The following CEMIP2 variants were observed in gnomAD, a reference collection of about 807,000 sequenced individuals.
CEMIP2 encodes cell migration inducing hyaluronidase 2, also known as cell surface hyaluronidase CEMIP2.
CEMIP2 carries 79 observed loss-of-function variants against 146.9 expected under a neutral mutation model. That is an observed-to-expected ratio of 0.54 (90% CI 0.45 to 0.65). CEMIP2 has a LOEUF of 0.65. Among genes scored for constraint, CEMIP2 ranks in the 30% least tolerant of loss-of-function variants. CEMIP2 has a pLI of 0.00. For missense variants in CEMIP2, 1,596 were observed against 1,696.2 expected (o/e 0.94, Z 1.04); for synonymous variants, 601 against 606.3 (o/e 0.99, Z 0.13).
At chr9:71,707,554 G>A (rs73477424) in intron 17 of CEMIP2, among the ~76,000 whole-genome samples, 3,717 of 152,238 alleles carry the variant, frequency 0.024, 147 homozygotes, top group African/African-American at 0.084. Context: ...GAACAAAGAA[G>A]AATTCTGATC....
chr9:71,744,909 C>T, intron 4 of CEMIP2, 109 bp downstream of exon 4: 1 of 1,166,022 alleles, frequency 8.6e-7, no homozygotes, highest in East Asian at 2.4e-5. Context: ...GGTAGAGTGG[C>T]CCTTCTGATG....
In CEMIP2 at chr9:71,690,152, A is replaced by G; in HGVS notation, c.3791T>C (p.Val1264Ala). The change falls in exon 22 of 24, where the codon GTT becomes GCT. Residue 1264 changes from valine to alanine, a missense_variant. Transcript: ENST00000377044. ...GCGACTGACATCAGCAAGAGGAAAA[A>G]CCGTTTTTTCCGTCAAGCGGAATGG... ...SVPFRLTEKTVFPLADVSRIE... is the reference protein window; with the variant it reads ...SVPFRLTEKTAFPLADVSRIE... 6.2e-7 allele frequency: 1 copy of G among 1,614,134 alleles called. No homozygotes were observed. Among genetic ancestry groups the G allele is most frequent in the South Asian group, 1.1e-5 (1 of 91,078 alleles).
intron 16 of CEMIP2, among the ~76,000 whole-genome samples, chr9:71,711,578 G>A (rs576456789): frequency 8.8e-4 from 133 of 150,320 alleles, no homozygotes; most frequent in African/African-American, 3.1e-3. Flanking sequence ...GTGACAGGCT[G>A]AGACCCTGCC....
At chr9:71,759,375 T>TG (rs1178821555) in intron 1 of CEMIP2, among the ~76,000 whole-genome samples, 1 of 152,014 alleles carries the variant, frequency 6.6e-6, no homozygotes, top group African/African-American at 2.4e-5. Context: ...TAAGAAACTG[T>TG]GGGGGTCATA....
At position 71,745,995 on chromosome 9, in the gene CEMIP2, G is replaced by C. The variant is rs565259356; in HGVS notation, c.472+206C>G. The stretch of plus-strand genomic sequence containing the variant: ...GGGTCTTGATTTGAGTGATACCTAA[G>C]GTCTAAGCTCTTAAATTCTATGTTT... On this transcript the variant is annotated intron_variant, in intron 3 of 23. Transcript: ENST00000377044. Among the ~76,000 whole-genome samples the C allele has an allele frequency of 2.0e-5, 3 of 152,134 alleles. No individual in the cohort carries two copies. In the South Asian group the frequency reaches 6.2e-4, roughly 32 times the overall value.
At position 71,746,228 on chromosome 9, in the gene CEMIP2, C is replaced by T. The variant is rs369275561; in HGVS notation, c.445G>A (p.Val149Met). Reference protein sequence around the residue: ...DMLRLTSDATVHSIVIQDGGL... With the variant: ...DMLRLTSDATMHSIVIQDGGL... ...CCATCCTGAATGACTATAGAATGCACGGTGGCGTCTGAGGTCAGACGGAGC... is the reference window on the plus strand; with the variant it reads ...CCATCCTGAATGACTATAGAATGCATGGTGGCGTCTGAGGTCAGACGGAGC... Residue 149 changes from valine (V) to methionine (M), a missense_variant, in exon 3 of 24, where the codon GTG becomes ATG. Val to Met is a conservative substitution (Grantham distance 21). Transcript: ENST00000377044. 2.9e-5 allele frequency: 46 copies of T among 1,613,694 alleles called. 1 individual carries two copies. In the South Asian group the frequency reaches 3.7e-4, roughly 13 times the overall value.
At chr9:71,723,788 T>G (rs545841117) in intron 11 of CEMIP2, among the ~76,000 whole-genome samples, 1 of 152,094 alleles carries the variant, frequency 6.6e-6, no homozygotes, top group East Asian at 1.9e-4. Flanking sequence ...TGCGCACACA[T>G]GTGGGTGTGT....
intron 1 of CEMIP2, among the ~76,000 whole-genome samples, chr9:71,760,416 G>GAGCAACCAAAAATA (rs1246399966): frequency 7.0e-6 from 1 of 143,736 alleles, no homozygotes; most frequent in Non-Finnish European, 1.6e-5. Context: ...TTCTTAAAGT[G>GAGCAACCAAAAATA]AAATAAATGA....
At chr9:71,759,778 A>C (rs1824570257) in intron 1 of CEMIP2, among the ~76,000 whole-genome samples, 1 of 121,904 alleles carries the variant, frequency 8.2e-6, no homozygotes, top group Non-Finnish European at 1.6e-5. Flanking sequence ...ATGAAATAAA[A>C]GGGAAAGAAG....
chr9:71,755,381 A>ACACACAC (rs55856832), intron 1 of CEMIP2, among the ~76,000 whole-genome samples: 9 of 149,222 alleles, frequency 6.0e-5, no homozygotes, highest in South Asian at 2.1e-4. Context: ...ACACACACAC[A>ACACACAC]AAATTAAATC....
At chr9:71,764,478 C>T (rs1824728831) in intron 1 of CEMIP2, among the ~76,000 whole-genome samples, 1 of 151,672 alleles carries the variant, frequency 6.6e-6, no homozygotes, top group Admixed American at 6.6e-5. Context: ...CCCTGCTTGG[C>T]TATTAATTTA....
At chr9:71,733,764 T>TAGTA (rs1435772991) in intron 6 of CEMIP2, among the ~76,000 whole-genome samples, 3 of 152,216 alleles carry the variant, frequency 2.0e-5, no homozygotes, top group African/African-American at 7.2e-5. Context: ...GGGCTGTGCC[T>TAGTA]AGTACCAGGC....
chr9:71,695,145 C>A (rs561664332), intron 20 of CEMIP2, among the ~76,000 whole-genome samples: 1 of 152,232 alleles, frequency 6.6e-6, no homozygotes, highest in South Asian at 2.1e-4. Context: ...TCAGGCAGGG[C>A]CTCACTTTCC....
intron 16 of CEMIP2, among the ~76,000 whole-genome samples, chr9:71,711,271 C>T (rs1822895454): frequency 6.6e-6 from 1 of 151,968 alleles, no homozygotes; most frequent in Admixed American, 6.6e-5. Flanking sequence ...TCAGAAATAA[C>T]CCAATTTCAG....
At chr9:71,727,019 A>G (rs1470427433) in intron 10 of CEMIP2, among the ~76,000 whole-genome samples, 5 of 152,234 alleles carry the variant, frequency 3.3e-5, no homozygotes, top group Admixed American at 3.3e-4. Flanking sequence ...GGAAAGGTAC[A>G]ATGAAAAAAA....
chr9:71,690,954 AAAC>A (rs1185109033), intron 21 of CEMIP2, among the ~76,000 whole-genome samples: 1 of 152,234 alleles, frequency 6.6e-6, no homozygotes, highest in Non-Finnish European at 1.5e-5. Flanking sequence ...GAGCAAAACA[AAAC>A]AACTAAGCAC....
intron 20 of CEMIP2, among the ~76,000 whole-genome samples, chr9:71,696,899 A>C (rs1286931864): frequency 6.6e-6 from 1 of 152,046 alleles, no homozygotes; most frequent in Non-Finnish European, 1.5e-5. Context: ...AAAAAGAGAG[A>C]GAAATATGGA....
At chr9:71,757,359 T>A (rs1275418862) in intron 1 of CEMIP2, among the ~76,000 whole-genome samples, 2 of 152,234 alleles carry the variant, frequency 1.3e-5, no homozygotes, top group African/African-American at 4.8e-5. Flanking sequence ...TCAGTTCTTT[T>A]TTGATCAAGG....
intron 7 of CEMIP2, among the ~76,000 whole-genome samples, chr9:71,732,064 T>TG (rs1823634190): frequency 2.0e-5 from 3 of 152,196 alleles, no homozygotes; most frequent in African/African-American, 7.2e-5. Context: ...CCTTCAGTTT[T>TG]TTTTTGTTTT....
Sources: allele counts gnomAD v4.1 joint callset (sites outside exome capture counted in the v4.1 genomes callset), GRCh38; gene constraint gnomAD v4.1.1; transcripts MANE v1.5; gene names NCBI Gene and HGNC (gene_info 2026-07-23, HGNC 2026-07-21).